The following LOXL2 variants were observed in gnomAD, a reference collection of about 807,000 sequenced individuals.
The protein encoded by LOXL2 is lysyl oxidase homolog 2.
Under a neutral mutation model 93.0 loss-of-function variants are expected in LOXL2, and 70 were observed. The observed-to-expected ratio is 0.75, with a 90% CI of 0.62 to 0.92. The LOEUF (loss-of-function observed/expected upper bound fraction) is 0.92. LOXL2 is among the 40% of genes least tolerant of loss of function. The pLI, the probability that LOXL2 is intolerant of heterozygous loss-of-function variation, is 0.00. For synonymous variants in LOXL2, 438 were observed against 413.2 expected, an observed-to-expected ratio of 1.06 and a Z score of -0.73; for missense variants, 973 against 1,054.9, an observed-to-expected ratio of 0.92 and a Z score of 1.08.
rs538461420 is a variant in LOXL2 at position 23,384,148 on chromosome 8, G to A, written c.-83-15714C>T. On this transcript the variant is annotated intron_variant, in intron 1 of 13. Transcript: ENST00000389131. ...AATGTCGAGGTAATTTATGGGATAC[G>A]AAGATCTGGGATCAGAAAATCTCAC... Among the ~76,000 whole-genome samples, 6 of 152,284 alleles carry A rather than the reference G, an allele frequency of 3.9e-5. No homozygotes were observed. The South Asian group carries it at 6.2e-4, about 16-fold the overall frequency.
chr8:23,303,308 C>T lies in LOXL2; in HGVS notation c.1970G>A (p.Cys657Tyr). The change falls in exon 11 of 14, where the codon TGC (cysteine) becomes TAC (tyrosine). Residue 657 changes from cysteine (C) to tyrosine (Y), a missense_variant. Transcript: ENST00000389131. The stretch of plus-strand genomic sequence containing the variant: ...TCCTTCACATTCTGTGTCCTCCAAG[C>T]AGAAGCTGGCCTTGTGGCCCTCTGC... ...KVAEGHKASFCLEDTECEGDI... is the reference protein window; with the variant it reads ...KVAEGHKASFYLEDTECEGDI... 2.5e-6 allele frequency: 4 copies of T among 1,613,438 alleles called. No homozygotes were observed. The highest frequency in any genetic ancestry group is 3.4e-6 in the Non-Finnish European group (4 of 1,179,662).
At chr8:23,308,700 T>C (rs1425117299) in intron 10 of LOXL2, among the ~76,000 whole-genome samples, 3 of 152,182 alleles carry the variant, frequency 2.0e-5, no homozygotes, top group South Asian at 4.1e-4. Flanking sequence ...AGATGGCTTG[T>C]GGTGGCTCTA....
chr8:23,349,672 T>A (rs572903702), intron 3 of LOXL2, among the ~76,000 whole-genome samples: 1 of 152,198 alleles, frequency 6.6e-6, no homozygotes, highest in African/African-American at 2.4e-5. Flanking sequence ...AGGGTTTACT[T>A]TTCCACATCC....
Position 23,322,150 on chromosome 8 carries a change from C to G in LOXL2, c.1282G>C (p.Ala428Pro). Reference sequence around the variant, plus strand: ...ATCACCTTCTTCTGCAAGCCCATGGCAGGGGTGTTGCATCTCACACCAGCA... The same window carrying G: ...ATCACCTTCTTCTGCAAGCCCATGGGAGGGGTGTTGCATCTCACACCAGCA... ...EDAGVRCNTP[A>P]MGLQKKLRLN... is the part of the protein sequence containing the mutation. Residue 428 changes from alanine to proline, a missense_variant, in exon 7 of 14, where the codon GCC becomes CCC. Physicochemically the swap from Ala to Pro is conservative, Grantham distance 27. Coordinates refer to ENST00000389131, the MANE Select transcript of LOXL2 (RefSeq NM_002318.3). 7 of 1,614,182 alleles carry G rather than the reference C, an allele frequency of 4.3e-6. No individual in the cohort carries two copies. The highest frequency in any genetic ancestry group is 5.9e-6 in the Non-Finnish European group (7 of 1,180,014).
At chr8:23,387,319 G>C (rs10112621) in intron 1 of LOXL2, among the ~76,000 whole-genome samples, 19,957 of 152,174 alleles carry the variant, frequency 0.13, 1,569 homozygotes, top group East Asian at 0.22. Flanking sequence ...GGGTATCAGA[G>C]AGAGATCAGG....
Position 23,367,993 on chromosome 8 carries a change from T to C in LOXL2, c.355+4A>G, listed in dbSNP as rs1159019296. ...CACTCAGATCCAAAGCACAGAGCGT[T>C]TACCTTCTCCCTTGCCGTAGGAGGA... is the stretch of plus-strand genomic sequence containing the variant. On this transcript the variant is annotated splice_donor_region_variant and intron_variant, in intron 2 of 13. Coordinates refer to ENST00000389131, the MANE Select transcript of LOXL2 (RefSeq NM_002318.3). 3 of 1,609,786 alleles carry C rather than the reference T, an allele frequency of 1.9e-6. No individual in the cohort carries two copies. The African/African-American group carries it at 4.0e-5, about 21-fold the overall frequency.
At chr8:23,360,738 G>GTGATGATGATGATAA (rs1554481461) in intron 2 of LOXL2, among the ~76,000 whole-genome samples, 4 of 152,244 alleles carry the variant, frequency 2.6e-5, no homozygotes, top group Admixed American at 6.5e-5. Flanking sequence ...ACTAAAAATA[G>GTGATGATGATGATAA]TGATGATGAT....
intron 11 of LOXL2, 22 bp from the exon 12 acceptor site, chr8:23,302,185 G>A (rs754750347): frequency 2.0e-5 from 33 of 1,612,286 alleles, no homozygotes; most frequent in African/African-American, 1.7e-4. Context: ...GTAGAGGAGA[G>A]CTCATCACCA....
At chr8:23,384,850 G>A (rs905341992) in intron 1 of LOXL2, among the ~76,000 whole-genome samples, 1 of 152,040 alleles carries the variant, frequency 6.6e-6, no homozygotes, top group African/African-American at 2.4e-5. Context: ...GGAGGCAGAG[G>A]TTGCAGTGAG....
intron 12 of LOXL2, among the ~76,000 whole-genome samples, chr8:23,300,322 G>C (rs1468554348): frequency 1.3e-5 from 2 of 152,366 alleles, no homozygotes; most frequent in South Asian, 4.1e-4. Context: ...AGTGGCTTTA[G>C]GTTTCTGTAT....
At chr8:23,335,301 G>A (rs1157051815) in intron 4 of LOXL2, among the ~76,000 whole-genome samples, 1 of 152,036 alleles carries the variant, frequency 6.6e-6, no homozygotes, top group African/African-American at 2.4e-5. Flanking sequence ...GACCTCTGGT[G>A]ATCTGGCCAC....
At chr8:23,327,968 G>A (rs1803608396) in intron 6 of LOXL2, among the ~76,000 whole-genome samples, 1 of 152,138 alleles carries the variant, frequency 6.6e-6, no homozygotes, top group South Asian at 2.1e-4. Context: ...AAAGTAAGAT[G>A]GCATTTGGTC....
At chr8:23,333,712 G>T in intron 4 of LOXL2, 89 bp from the exon 5 acceptor site, 3 of 1,049,794 alleles carry the variant, frequency 2.9e-6, no homozygotes, top group Non-Finnish European at 1.4e-6. Context: ...GAGAGACTGG[G>T]CCCTGCTCCT....
intron 3 of LOXL2, among the ~76,000 whole-genome samples, chr8:23,350,728 G>A (rs922844645): frequency 6.6e-6 from 1 of 152,170 alleles, no homozygotes; most frequent in African/African-American, 2.4e-5. Context: ...CACCCCCAAA[G>A]GAAAGAGCCG....
intron 6 of LOXL2, among the ~76,000 whole-genome samples, chr8:23,322,747 A>G (rs1043773992): frequency 2.0e-5 from 3 of 152,210 alleles, no homozygotes; most frequent in Non-Finnish European, 2.9e-5. Context: ...AAATAAAGGT[A>G]TGGATGGAGT....
intron 1 of LOXL2, among the ~76,000 whole-genome samples, chr8:23,397,449 A>G (rs1800104611): frequency 6.6e-6 from 1 of 152,244 alleles, no homozygotes; most frequent in Non-Finnish European, 1.5e-5. Context: ...TTACCTAGAT[A>G]TGCTATTCTT....
At chr8:23,367,904 G>A in intron 2 of LOXL2, 93 bp downstream of exon 2, 2 of 985,044 alleles carry the variant, frequency 2.0e-6, no homozygotes, top group Non-Finnish European at 3.1e-6. Context: ...ACTTCGCAGT[G>A]CGTGCAGCCT....
intron 12 of LOXL2, among the ~76,000 whole-genome samples, chr8:23,300,149 C>A (rs903979677): frequency 1.3e-5 from 2 of 152,252 alleles, no homozygotes; most frequent in African/African-American, 4.8e-5. Context: ...CCAGGCGTCT[C>A]GACAGTGCAG....
chr8:23,379,250 G>A (rs545879041), intron 1 of LOXL2, among the ~76,000 whole-genome samples: 9 of 152,278 alleles, frequency 5.9e-5, no homozygotes, highest in African/African-American at 1.9e-4. Context: ...GCAGAACAGC[G>A]AATATTGCTG....
Sources: allele counts gnomAD v4.1 joint callset (sites outside exome capture counted in the v4.1 genomes callset), GRCh38; gene constraint gnomAD v4.1.1; transcripts MANE v1.5; gene names NCBI Gene and HGNC (gene_info 2026-07-23, HGNC 2026-07-21).